UNC5D: variants seen among roughly 807,000 people sequenced by gnomAD.
UNC5D encodes the protein unc-5 netrin receptor D.
A neutral mutation model predicts 105.4 loss-of-function variants in UNC5D; 39 were observed. The ratio of observed to expected loss-of-function variants is 0.37; its 90% CI spans 0.29 to 0.48. The LOEUF (loss-of-function observed/expected upper bound fraction) is 0.48. Ranked by LOEUF, UNC5D falls within the 20% of genes least tolerant of loss-of-function variation. UNC5D has a pLI of 0.98. For synonymous variants in UNC5D, 452 were observed against 450.4 expected (o/e 1.00, Z -0.04); for missense variants, 991 against 1,202.4 (o/e 0.82, Z 2.60).
intron 1 of UNC5D, among the ~76,000 whole-genome samples, chr8:35,437,475 C>T (rs902802409): frequency 3.3e-5 from 5 of 152,200 alleles, no homozygotes; most frequent in African/African-American, 1.2e-4. Flanking sequence ...AAGGAAATAT[C>T]TATGGATGGG....
chr8:35,550,259 CT>C (rs1816028061), intron 2 of UNC5D, among the ~76,000 whole-genome samples: 1 of 152,118 alleles, frequency 6.6e-6, no homozygotes, highest in Non-Finnish European at 1.5e-5. Context: ...GAAACTAAGG[CT>C]CAAAGAGATT....
chr8:35,585,637 G>A (rs958051208), intron 3 of UNC5D, among the ~76,000 whole-genome samples: 2 of 151,822 alleles, frequency 1.3e-5, no homozygotes, highest in Non-Finnish European at 2.9e-5. Flanking sequence ...AGATTCCTAT[G>A]ACTAAAATAC....
At chr8:35,270,925 G>GTA (rs35226462) in intron 1 of UNC5D, among the ~76,000 whole-genome samples, 8 of 150,782 alleles carry the variant, frequency 5.3e-5, no homozygotes, top group Non-Finnish European at 1.0e-4. Flanking sequence ...TGCCCCTATG[G>GTA]TATATATATA....
At chr8:35,335,410 C>G (rs1250643971) in intron 1 of UNC5D, among the ~76,000 whole-genome samples, 1 of 152,134 alleles carries the variant, frequency 6.6e-6, no homozygotes, top group Non-Finnish European at 1.5e-5. Context: ...TAGATAATGC[C>G]TAAAAGCACA....
intron 7 of UNC5D, among the ~76,000 whole-genome samples, chr8:35,694,589 A>G (rs898698819): frequency 6.6e-6 from 1 of 152,234 alleles, no homozygotes. Context: ...AACAAAAATT[A>G]TAACAGTATC....
chr8:35,288,809 T>C (rs1165471695), intron 1 of UNC5D, among the ~76,000 whole-genome samples: 2 of 152,176 alleles, frequency 1.3e-5, no homozygotes, highest in Non-Finnish European at 2.9e-5. Flanking sequence ...AGATATTTTA[T>C]GTAAGCCTCA....
chr8:35,620,754 C>T (rs563742524), intron 4 of UNC5D, among the ~76,000 whole-genome samples: 5 of 152,256 alleles, frequency 3.3e-5, no homozygotes, highest in East Asian at 3.9e-4. Context: ...TATTATTGGG[C>T]TTTCATCCCT....
At chr8:35,310,546 G>A (rs941111328) in intron 1 of UNC5D, among the ~76,000 whole-genome samples, 3 of 152,122 alleles carry the variant, frequency 2.0e-5, no homozygotes, top group Non-Finnish European at 2.9e-5. Context: ...CTTGAACCCA[G>A]GAGGCTGAGG....
chr8:35,602,880 C>A (rs1385691467), intron 4 of UNC5D, among the ~76,000 whole-genome samples: 1 of 116,000 alleles, frequency 8.6e-6, no homozygotes, highest in African/African-American at 3.3e-5. Flanking sequence ...CCCCTCCCCC[C>A]ACCCCACAAC....
intron 1 of UNC5D, among the ~76,000 whole-genome samples, chr8:35,451,240 T>C (rs950852727): frequency 2.0e-5 from 3 of 151,950 alleles, no homozygotes; most frequent in African/African-American, 7.3e-5. Flanking sequence ...ATAGTGTTTC[T>C]CCATGTTGGT....
intron 4 of UNC5D, among the ~76,000 whole-genome samples, chr8:35,676,219 GA>G (rs1038619620): frequency 3.3e-5 from 5 of 151,892 alleles, no homozygotes; most frequent in Admixed American, 6.6e-5. Flanking sequence ...TTATAAACTG[GA>G]AAAAAAATCT....
chr8:35,547,624 A>G (rs1380837212), intron 1 of UNC5D, among the ~76,000 whole-genome samples: 1 of 152,126 alleles, frequency 6.6e-6, no homozygotes, highest in African/African-American at 2.4e-5. Flanking sequence ...TTTTTAATGA[A>G]TTGGGTTTAC....
chr8:35,442,904 T>TCTCACACACA (rs1246705327), intron 1 of UNC5D, among the ~76,000 whole-genome samples: 11 of 141,250 alleles, frequency 7.8e-5, no homozygotes, highest in African/African-American at 3.0e-4. Context: ...TCTCTCTCTC[T>TCTCACACACA]CACACACACA....
chr8:35,662,201 A>C (rs1233936128), intron 4 of UNC5D, among the ~76,000 whole-genome samples: 1 of 151,914 alleles, frequency 6.6e-6, no homozygotes, highest in Admixed American at 6.6e-5. Context: ...AAAAAAAAAA[A>C]AAACTGTGCG....
At chr8:35,627,770 A>C (rs1184025956) in intron 4 of UNC5D, among the ~76,000 whole-genome samples, 2 of 152,108 alleles carry the variant, frequency 1.3e-5, no homozygotes, top group East Asian at 3.9e-4. Flanking sequence ...CTCTCCAAAA[A>C]ATAGAAAAAT....
At chr8:35,699,350 T>G (rs1166938679) in intron 7 of UNC5D, among the ~76,000 whole-genome samples, 1 of 152,206 alleles carries the variant, frequency 6.6e-6, no homozygotes, top group East Asian at 1.9e-4. Context: ...GGAAGGTCAT[T>G]GTCATCAGAA....
intron 8 of UNC5D, among the ~76,000 whole-genome samples, chr8:35,710,765 C>A (rs1282930927): frequency 2.0e-5 from 3 of 152,072 alleles, no homozygotes; most frequent in Admixed American, 6.5e-5. Flanking sequence ...AAAATGGTGT[C>A]CCAGAAGAAA....
chr8:35,328,515 G>C (rs1810350579), intron 1 of UNC5D, among the ~76,000 whole-genome samples: 2 of 152,094 alleles, frequency 1.3e-5, no homozygotes, highest in Admixed American at 1.3e-4. Context: ...CACGGCATAG[G>C]CTAAAACTCT....
intron 1 of UNC5D, among the ~76,000 whole-genome samples, chr8:35,287,610 A>G (rs1806703270): frequency 6.6e-6 from 1 of 151,616 alleles, no homozygotes; most frequent in African/African-American, 2.4e-5. Context: ...ACTAAGCAAT[A>G]TGGAGAAAAC....
Sources: allele counts gnomAD v4.1 joint callset (sites outside exome capture counted in the v4.1 genomes callset), GRCh38; gene constraint gnomAD v4.1.1; transcripts MANE v1.5; gene names NCBI Gene and HGNC (gene_info 2026-07-23, HGNC 2026-07-21).